MSH4: variants seen among roughly 807,000 people sequenced by gnomAD.
MSH4 encodes mutS protein homolog 4.
In MSH4, 106 loss-of-function variants were observed where a neutral mutation model predicts 113.7. That is an observed-to-expected ratio of 0.93 (90% CI 0.80 to 1.10). The LOEUF (loss-of-function observed/expected upper bound fraction) is 1.10, where lower values mean the gene tolerates loss of function less well. Among genes scored for constraint, MSH4 ranks in the 50% least tolerant of loss-of-function variants. The pLI, the probability that MSH4 is intolerant of heterozygous loss-of-function variation, is 0.00. For synonymous variants in MSH4, 368 were observed against 380.2 expected (o/e 0.97, Z 0.37); for missense variants, 1,061 against 1,093.7 (o/e 0.97, Z 0.42).
chr1:75,906,362 G>A (rs1186772392), intron 19 of MSH4, among the ~76,000 whole-genome samples: 1 of 134,644 alleles, frequency 7.4e-6, no homozygotes, highest in Admixed American at 8.5e-5. Context: ...TGTTTTGTAA[G>A]TGCTCTCTTT....
intron 8 of MSH4, among the ~76,000 whole-genome samples, chr1:75,858,501 T>C (rs1350581396): frequency 6.6e-6 from 1 of 152,236 alleles, no homozygotes; most frequent in Non-Finnish European, 1.5e-5. Flanking sequence ...CTGAAGGCCT[T>C]TTCTGCATCT....
chr1:75,870,639 C>T (rs1202240527), intron 9 of MSH4, among the ~76,000 whole-genome samples: 2 of 152,138 alleles, frequency 1.3e-5, no homozygotes, highest in African/African-American at 4.8e-5. Flanking sequence ...TTGCCTGCTG[C>T]CATGTAAAAC....
At chr1:75,846,867 A>G (rs182667789) in intron 7 of MSH4, among the ~76,000 whole-genome samples, 10 of 152,286 alleles carry the variant, frequency 6.6e-5, no homozygotes. Context: ...GGTATTTGTT[A>G]TAGCAACAAC....
intron 7 of MSH4, among the ~76,000 whole-genome samples, chr1:75,828,384 G>T (rs756040978): frequency 6.6e-5 from 10 of 152,124 alleles, no homozygotes; most frequent in Non-Finnish European, 1.3e-4. Flanking sequence ...ATTATTCACG[G>T]CAGCAAAGAC....
intron 6 of MSH4, among the ~76,000 whole-genome samples, chr1:75,820,126 T>C (rs1650378059): frequency 6.6e-6 from 1 of 152,198 alleles, no homozygotes; most frequent in South Asian, 2.1e-4. Flanking sequence ...TTTAACAATA[T>C]AAAAGCCCCT....
intron 7 of MSH4, among the ~76,000 whole-genome samples, chr1:75,844,892 G>C (rs181899466): frequency 6.6e-6 from 1 of 152,288 alleles, no homozygotes; most frequent in Admixed American, 6.5e-5. Context: ...GGATCTGCAA[G>C]GTTAAGGGAC....
intron 6 of MSH4, 61 bp downstream of exon 6, chr1:75,816,607 G>T: frequency 9.7e-7 from 1 of 1,025,726 alleles, no homozygotes; most frequent in Non-Finnish European, 1.3e-6. Flanking sequence ...TTCTATTAAT[G>T]GTAACTTTAA....
chr1:75,883,268 G>T (rs149257474), intron 14 of MSH4, among the ~76,000 whole-genome samples: 13 of 148,106 alleles, frequency 8.8e-5, no homozygotes, highest in Middle Eastern at 3.4e-3. Context: ...GCCCTCCTCC[G>T]CCTCCCAAAT....
At chr1:75,887,950 C>CA (rs766363655) in intron 15 of MSH4, among the ~76,000 whole-genome samples, 21 of 150,238 alleles carry the variant, frequency 1.4e-4, no homozygotes, top group Non-Finnish European at 2.5e-4. Context: ...GGAAAACAAG[C>CA]AAAAAAATAG....
chr1:75,825,031 T>C (rs1433851859), intron 7 of MSH4, among the ~76,000 whole-genome samples: 2 of 151,514 alleles, frequency 1.3e-5, no homozygotes, highest in African/African-American at 2.4e-5. Context: ...GGGAATAACA[T>C]TGAATCTATA....
intron 3 of MSH4, among the ~76,000 whole-genome samples, chr1:75,807,732 A>C (rs991005800): frequency 1.3e-5 from 2 of 152,178 alleles, no homozygotes; most frequent in Admixed American, 6.5e-5. Flanking sequence ...TATAGGTGAC[A>C]ACTTGACTGT....
chr1:75,806,159 T>C (rs1650054250), intron 2 of MSH4, among the ~76,000 whole-genome samples: 1 of 151,924 alleles, frequency 6.6e-6, no homozygotes, highest in African/African-American at 2.4e-5. Flanking sequence ...CATTTTTCTT[T>C]AGGCTTATTT....
chr1:75,909,470 A>T (rs77725923), intron 19 of MSH4, among the ~76,000 whole-genome samples: 1 of 144,036 alleles, frequency 6.9e-6, no homozygotes. Context: ...CCAGAATTGT[A>T]TTTTTTTTTT....
chr1:75,823,534 G>A (rs1650477021), intron 7 of MSH4, among the ~76,000 whole-genome samples: 1 of 152,018 alleles, frequency 6.6e-6, no homozygotes, highest in Admixed American at 6.6e-5. Context: ...AGGTATACAT[G>A]TGCCATGGTA....
At chr1:75,886,445 A>AT (rs1652107822) in intron 15 of MSH4, among the ~76,000 whole-genome samples, 1 of 109,726 alleles carries the variant, frequency 9.1e-6, no homozygotes, top group African/African-American at 4.8e-5. Context: ...TATTATATAT[A>AT]ATATATATGA....
intron 7 of MSH4, among the ~76,000 whole-genome samples, chr1:75,838,155 G>T (rs1650872346): frequency 6.6e-6 from 1 of 152,192 alleles, no homozygotes; most frequent in African/African-American, 2.4e-5. Context: ...CAGTATGTCA[G>T]CAGGTCTACA....
At chr1:75,831,840 T>C (rs1006887952) in intron 7 of MSH4, among the ~76,000 whole-genome samples, 1 of 152,044 alleles carries the variant, frequency 6.6e-6, no homozygotes, top group African/African-American at 2.4e-5. Flanking sequence ...GCAGGAAAGA[T>C]CTAAAATTGA....
intron 19 of MSH4, among the ~76,000 whole-genome samples, chr1:75,907,693 T>TCTCTCTCTCC (rs1652695710): frequency 5.7e-5 from 1 of 17,538 alleles, no homozygotes; most frequent in African/African-American, 1.4e-4. Context: ...TCTATACATA[T>TCTCTCTCTCC]ATATATATAT....
At chr1:75,853,055 CTTTGTTTGTTTG>C (rs71813389) in intron 8 of MSH4, among the ~76,000 whole-genome samples, 8 of 151,330 alleles carry the variant, frequency 5.3e-5, no homozygotes, top group African/African-American at 1.5e-4. Context: ...AACTATTTTT[CTTTGTTTGTTTG>C]TTTGTTTGTT....
Sources: gnomAD v4.1 joint callset for allele counts (sites outside exome capture counted in the v4.1 genomes callset) on GRCh38, gnomAD v4.1.1 for gene constraint, MANE v1.5 for transcripts, NCBI Gene and HGNC (gene_info 2026-07-23, HGNC 2026-07-21) for gene names.